Variants in NTRK3 observed in about 807,000 individuals in gnomAD.
NTRK3 encodes neurotrophic receptor tyrosine kinase 3.
A neutral mutation model predicts 91.7 loss-of-function variants in NTRK3; 24 were observed. The observed-to-expected ratio is 0.26, with a 90% CI of 0.19 to 0.37. The LOEUF (loss-of-function observed/expected upper bound fraction) is 0.37, where lower values mean the gene tolerates loss of function less well. Among genes scored for constraint, NTRK3 ranks in the 10% least tolerant of loss-of-function variants. NTRK3 has a pLI of 1.00. For missense variants in NTRK3, 880 were observed against 1,068.9 expected, an observed-to-expected ratio of 0.82 and a Z score of 2.46; for synonymous variants, 483 against 404.0, an observed-to-expected ratio of 1.20 and a Z score of -2.34.
intron 14 of NTRK3, among the ~76,000 whole-genome samples, chr15:88,030,336 G>A (rs1282343898): frequency 1.3e-5 from 2 of 152,128 alleles, no homozygotes; most frequent in Admixed American, 6.5e-5. Context: ...TGAGTCCTTG[G>A]CTATGCTTTG....
At chr15:88,034,966 C>T (rs1442457884) in intron 13 of NTRK3, among the ~76,000 whole-genome samples, 2 of 152,304 alleles carry the variant, frequency 1.3e-5, no homozygotes, top group East Asian at 3.9e-4. Flanking sequence ...TATCCTCTTT[C>T]CCTCCTCAAA....
At chr15:88,177,557 T>C (rs1409360978) in intron 5 of NTRK3, among the ~76,000 whole-genome samples, 2 of 152,160 alleles carry the variant, frequency 1.3e-5, no homozygotes, top group Non-Finnish European at 2.9e-5. Flanking sequence ...GCCTGAGCAA[T>C]TTGATGGATG....
intron 13 of NTRK3, among the ~76,000 whole-genome samples, chr15:88,070,340 G>A (rs904074328): frequency 6.6e-6 from 1 of 151,774 alleles, no homozygotes; most frequent in African/African-American, 2.4e-5. Context: ...TGCCTTGATC[G>A]TCCCCCAACT....
At chr15:87,892,588 G>C (rs2065904950) in intron 17 of NTRK3, among the ~76,000 whole-genome samples, 1 of 151,244 alleles carries the variant, frequency 6.6e-6, no homozygotes, top group African/African-American at 2.4e-5. Context: ...ATATTATTTT[G>C]TCGACGACTT....
intron 13 of NTRK3, among the ~76,000 whole-genome samples, chr15:88,048,852 G>A (rs1251094063): frequency 6.6e-6 from 1 of 152,212 alleles, no homozygotes; most frequent in African/African-American, 2.4e-5. Context: ...AGGGTCCTGA[G>A]TTCTAATCCA....
At chr15:88,176,055 C>T (rs901090970) in intron 5 of NTRK3, among the ~76,000 whole-genome samples, 6 of 151,248 alleles carry the variant, frequency 4.0e-5, no homozygotes, top group African/African-American at 9.8e-5. Flanking sequence ...GGTGATACTG[C>T]GATATGATTC....
chr15:87,998,138 C>T (rs1399412190), intron 14 of NTRK3, among the ~76,000 whole-genome samples: 1 of 152,146 alleles, frequency 6.6e-6, no homozygotes, highest in Non-Finnish European at 1.5e-5. Flanking sequence ...GAATAGCATC[C>T]TCCACCCCAT....
intron 5 of NTRK3, among the ~76,000 whole-genome samples, chr15:88,168,731 C>T (rs1198296720): frequency 9.2e-6 from 1 of 108,916 alleles, no homozygotes; most frequent in Non-Finnish European, 1.8e-5. Flanking sequence ...CCTTTTACTC[C>T]TGGGGGAAGA....
chr15:88,189,580 G>C (rs1232893541), intron 3 of NTRK3, among the ~76,000 whole-genome samples: 5 of 152,048 alleles, frequency 3.3e-5, no homozygotes, highest in African/African-American at 1.2e-4. Context: ...GAGTAGCTGG[G>C]ATTACAGACA....
chr15:88,001,953 T>C (rs1567211020), intron 14 of NTRK3, among the ~76,000 whole-genome samples: 1 of 152,130 alleles, frequency 6.6e-6, no homozygotes. Context: ...TATTAATTCT[T>C]CCAATCAATA....
At chr15:88,095,058 G>A (rs766935481) in intron 13 of NTRK3, among the ~76,000 whole-genome samples, 8 of 152,130 alleles carry the variant, frequency 5.3e-5, no homozygotes, top group South Asian at 2.1e-4. Context: ...GCACTCTGGC[G>A]GACACCACAA....
At chr15:88,147,793 G>A (rs909385655) in intron 5 of NTRK3, among the ~76,000 whole-genome samples, 1 of 151,964 alleles carries the variant, frequency 6.6e-6, no homozygotes, top group African/African-American at 2.4e-5. Flanking sequence ...TTCTTAACAC[G>A]CACACAGGTC....
At chr15:88,068,232 G>T (rs773072385) in intron 13 of NTRK3, among the ~76,000 whole-genome samples, 1 of 152,122 alleles carries the variant, frequency 6.6e-6, no homozygotes, top group African/African-American at 2.4e-5. Flanking sequence ...AGGAGTTCGA[G>T]ACCAGCCTGG....
intron 17 of NTRK3, among the ~76,000 whole-genome samples, chr15:87,889,948 T>TTATG (rs2065765386): frequency 1.4e-5 from 2 of 141,810 alleles, no homozygotes; most frequent in Non-Finnish European, 3.0e-5. Context: ...AACTTTCCAT[T>TTATG]TATTTATTTA....
chr15:88,108,787 G>T (rs960449611), intron 13 of NTRK3, among the ~76,000 whole-genome samples: 4 of 152,132 alleles, frequency 2.6e-5, no homozygotes, highest in Non-Finnish European at 4.4e-5. Flanking sequence ...CAGACCAATA[G>T]GACCAGCCTC....
intron 8 of NTRK3, 87 bp downstream of exon 8, chr15:88,136,380 A>T: frequency 6.4e-7 from 1 of 1,571,142 alleles, no homozygotes; most frequent in Non-Finnish European, 8.7e-7. Flanking sequence ...TCCTATAGTA[A>T]CAAGACCGCA....
At chr15:88,205,342 T>C (rs2048650735) in intron 3 of NTRK3, among the ~76,000 whole-genome samples, 2 of 152,122 alleles carry the variant, frequency 1.3e-5, no homozygotes, top group African/African-American at 4.8e-5. Context: ...CTGGCCTACG[T>C]GGGCCTCGGC....
intron 13 of NTRK3, among the ~76,000 whole-genome samples, chr15:88,051,745 A>AC (rs1268843255): frequency 6.6e-6 from 1 of 152,236 alleles, no homozygotes; most frequent in African/African-American, 2.4e-5. Flanking sequence ...AAGAAAAAAA[A>AC]CAGTGGTTAG....
chr15:88,199,213 G>A (rs1296946490), intron 3 of NTRK3, among the ~76,000 whole-genome samples: 1 of 152,072 alleles, frequency 6.6e-6, no homozygotes, highest in Non-Finnish European at 1.5e-5. Context: ...CTTTATTATG[G>A]AAGTAGTTCA....
Sources: allele counts gnomAD v4.1 joint callset (sites outside exome capture counted in the v4.1 genomes callset), GRCh38; gene constraint gnomAD v4.1.1; transcripts MANE v1.5; gene names NCBI Gene and HGNC (gene_info 2026-07-23, HGNC 2026-07-21).